The following LIFR variants were observed in gnomAD, a reference collection of about 807,000 sequenced individuals.
LIFR encodes leukemia inhibitory factor receptor.
In LIFR, 84 loss-of-function variants were observed where a neutral mutation model predicts 122.2. The observed-to-expected ratio is 0.69, with a 90% CI of 0.58 to 0.82. The LOEUF is 0.82. Ranked by LOEUF, LIFR falls within the 40% of genes least tolerant of loss-of-function variation. LIFR has a pLI of 0.00. For synonymous variants in LIFR, 422 were observed against 434.7 expected, an observed-to-expected ratio of 0.97 and a Z score of 0.36; for missense variants, 1,294 against 1,311.6, an observed-to-expected ratio of 0.99 and a Z score of 0.21.
At chr5:38,596,662 TAG>T (rs1227336858), upstream of LIFR, among the ~76,000 whole-genome samples, 2 of 152,342 alleles carry the variant, frequency 1.3e-5, no homozygotes, top group African/African-American at 4.8e-5. Flanking sequence ...TCCTGTCATA[TAG>T]ATGACTAACA....
At chr5:38,598,985 A>G (rs1184789892), upstream of LIFR, among the ~76,000 whole-genome samples, 1 of 152,196 alleles carries the variant, frequency 6.6e-6, no homozygotes, top group African/African-American at 2.4e-5. Context: ...CTTGTAGAAA[A>G]GTGCATGGAT....
chr5:38,483,909 G>C (rs1166168115), intron 18 of LIFR, among the ~76,000 whole-genome samples: 1 of 152,118 alleles, frequency 6.6e-6, no homozygotes, highest in Non-Finnish European at 1.5e-5. Flanking sequence ...CATGAATGCA[G>C]CCACTGGCTC....
chr5:38,554,693 T>C (rs539345137), intron 1 of LIFR, among the ~76,000 whole-genome samples: 2 of 152,288 alleles, frequency 1.3e-5, no homozygotes, highest in South Asian at 4.1e-4. Context: ...AATGTTTACA[T>C]GAGCATAGGC....
upstream of LIFR, among the ~76,000 whole-genome samples, chr5:38,600,253 A>G (rs1750198093): frequency 6.6e-6 from 1 of 152,160 alleles, no homozygotes; most frequent in Non-Finnish European, 1.5e-5. Flanking sequence ...CTTCCCTAAA[A>G]TGTATGAAAC....
chr5:38,599,834 G>T (rs533963615), upstream of LIFR, among the ~76,000 whole-genome samples: 1 of 152,244 alleles, frequency 6.6e-6, no homozygotes, highest in South Asian at 2.1e-4. Context: ...TTCTGACCAT[G>T]TGAATGGCCT....
chr5:38,541,205 A>G (rs1747573490), intron 1 of LIFR, among the ~76,000 whole-genome samples: 1 of 152,204 alleles, frequency 6.6e-6, no homozygotes. Flanking sequence ...ACAGCATATG[A>G]AAAACATAAC....
At chr5:38,517,939 T>C (rs1325969011) in intron 5 of LIFR, among the ~76,000 whole-genome samples, 1 of 100,218 alleles carries the variant, frequency 1.0e-5, no homozygotes, top group African/African-American at 4.8e-5. Flanking sequence ...ACCCCATCTC[T>C]ATGAAAAAAA....
chr5:38,480,867 TA>T lies in LIFR; in HGVS notation c.*727del. 4.6e-6 allele frequency: 1 copy of T among 218,230 alleles called. No individual in the cohort carries two copies. Among genetic ancestry groups the T allele is most frequent in the Non-Finnish European group, 9.2e-6 (1 of 108,412 alleles). 13.5% of individuals were successfully genotyped at this position (218,230 alleles called of 1,614,324 possible). ...AAATAATGGAAGCAAGCATAAAAGC[TA>T]AAAAATAATGAAAAGGCTTGCAAAA... is the stretch of plus-strand genomic sequence containing the variant. On this transcript the variant is annotated 3_prime_UTR_variant, in exon 20 of 20. Transcript: ENST00000453190.
In LIFR at chr5:38,481,913, T is replaced by C; in HGVS notation, c.2976A>G (p.Glu992=). 1 of 1,614,194 alleles carries C rather than the reference T, an allele frequency of 6.2e-7. No individual in the cohort carries two copies. The highest frequency in any genetic ancestry group is 8.5e-7 in the Non-Finnish European group (1 of 1,180,024). The change falls in exon 20 of 20, where the codon GAA becomes GAG. Residue 992 remains glutamate (E), a synonymous_variant. Transcript: ENST00000453190. ...QPQAKPEEEQ[E]NDPVGGAGYK... ...AGCCTGCCCCTCCTACAGGGTCATT[T>C]TCTTGTTCTTCTTCTGGTTTTGCTT... is the stretch of plus-strand genomic sequence containing the variant.
intron 1 of LIFR, among the ~76,000 whole-genome samples, chr5:38,564,346 C>T (rs752107489): frequency 5.9e-5 from 9 of 151,974 alleles, no homozygotes; most frequent in Non-Finnish European, 1.2e-4. Context: ...CCTCAGCCTC[C>T]CAAGTAGCTG....
chr5:38,569,103 T>C (rs911924551), intron 1 of LIFR, among the ~76,000 whole-genome samples: 1 of 152,148 alleles, frequency 6.6e-6, no homozygotes, highest in Non-Finnish European at 1.5e-5. Flanking sequence ...GAAGGGGAGG[T>C]CTGGGCACCA....
rs1322936486 is a variant in LIFR, at chr5:38,481,368, G to A, written c.*227C>T. The A allele has an allele frequency of 1.7e-6, 1 of 581,024 alleles. No homozygotes were observed. Among genetic ancestry groups the A allele is most frequent in the Non-Finnish European group, 3.1e-6 (1 of 326,576 alleles). 36.0% of individuals were successfully genotyped at this position (581,024 alleles called of 1,614,324 possible). A position where few individuals can be genotyped will look rare whatever the true frequency, so the allele number is the denominator to read the frequency against. On this transcript the variant is annotated 3_prime_UTR_variant, in exon 20 of 20. Transcript: ENST00000453190. Reference sequence around the variant, plus strand: ...GAGAATTCTTTGGCTTGATCACAAAGAGCTCCCAATCTTGAGTTTTGTGGA... The same window carrying A: ...GAGAATTCTTTGGCTTGATCACAAAAAGCTCCCAATCTTGAGTTTTGTGGA...
upstream of LIFR, among the ~76,000 whole-genome samples, chr5:38,596,200 A>G (rs1750094502): frequency 6.6e-6 from 1 of 152,180 alleles, no homozygotes. Context: ...TGCTCCTCGA[A>G]GCTTGATTCA....
At chr5:38,598,242 TTTATTTTTTTTTTTTTTC>T, upstream of LIFR, among the ~76,000 whole-genome samples, 1 of 29,792 alleles carries the variant, frequency 3.4e-5, no homozygotes, top group African/African-American at 1.6e-4. Flanking sequence ...TATTTATTTA[TTTATTTTTTTTTTTTTTC>T]TTTTTAGAGG....
rs867567100 is a variant in LIFR at position 38,511,857 on chromosome 5, G to T, written c.669C>A (p.Tyr223Ter). ...CAIHFVEIRC[Y>*]IDNLHFSGLE... Reference sequence around the variant, plus strand: ...GACCAGAAAAATGAAGATTGTCAATGTAGCATCTAATTTCCACAAAATGAA... The same window carrying T: ...GACCAGAAAAATGAAGATTGTCAATTTAGCATCTAATTTCCACAAAATGAA... The change falls in exon 6 of 20, where the codon TAC becomes TAA. Residue 223 changes from tyrosine (Y) to a stop codon, truncating the protein, a stop_gained. Transcript: ENST00000453190. LOFTEE classifies it high-confidence loss of function. The T allele has an allele frequency of 1.9e-6, 3 of 1,614,108 alleles. No individual in the cohort carries two copies. The highest frequency in any genetic ancestry group is 2.5e-6 in the Non-Finnish European group (3 of 1,179,950).
chr5:38,533,603 A>G (rs2112582086), intron 1 of LIFR, among the ~76,000 whole-genome samples: 1 of 152,358 alleles, frequency 6.6e-6, no homozygotes, highest in African/African-American at 2.4e-5. Flanking sequence ...AGAGTTGAGA[A>G]AAGTAAAGCT....
At chr5:38,603,447 C>A (rs1201764371) in intron 2 of LIFR, among the ~76,000 whole-genome samples, 5 of 152,220 alleles carry the variant, frequency 3.3e-5, no homozygotes, top group African/African-American at 7.2e-5. Flanking sequence ...TGCATATTCA[C>A]ATTACCTGTG....
rs562927445 is a variant in LIFR at position 38,563,674 on chromosome 5, C to G, written c.-20+31587G>C. ...CTTACGGCATGCCAGGTACTGTGTACCAACTCAGCCCATCCTCCCTACAAT... is the reference window on the plus strand; with the variant it reads ...CTTACGGCATGCCAGGTACTGTGTAGCAACTCAGCCCATCCTCCCTACAAT... On this transcript the variant is annotated intron_variant, in intron 1 of 19. Coordinates refer to the LIFR transcript ENST00000263409. Among the ~76,000 whole-genome samples the G allele has an allele frequency of 4.6e-5, 7 of 152,296 alleles. 2 individuals are homozygous for G. The highest frequency in any genetic ancestry group is 1.7e-4 in the African/African-American group (7 of 41,554).
At chr5:38,561,925 C>T (rs989928564) in intron 1 of LIFR, among the ~76,000 whole-genome samples, 2 of 152,150 alleles carry the variant, frequency 1.3e-5, no homozygotes, top group Non-Finnish European at 2.9e-5. Context: ...CACTTTCCCC[C>T]GATACACTAA....
Sources: allele counts gnomAD v4.1 joint callset (sites outside exome capture counted in the v4.1 genomes callset), GRCh38; gene constraint gnomAD v4.1.1; transcripts MANE v1.5; gene names NCBI Gene and HGNC (gene_info 2026-07-23, HGNC 2026-07-21).